Variants in CHST15 observed in about 807,000 individuals in gnomAD.
CHST15 encodes carbohydrate sulfotransferase 15.
In CHST15, 30 loss-of-function variants were observed where a neutral mutation model predicts 53.6. The ratio of observed to expected loss-of-function variants is 0.56; its 90% confidence interval spans 0.42 to 0.76. CHST15 has a LOEUF of 0.76. Among genes scored for constraint, CHST15 ranks in the 30% least tolerant of loss-of-function variants. The pLI is 0.00. For synonymous variants in CHST15, 296 were observed against 289.8 expected, an observed-to-expected ratio of 1.02 and a Z score of -0.22; for missense variants, 627 against 740.5, an observed-to-expected ratio of 0.85 and a Z score of 1.78.
At chr10:124,056,245 A>T (rs540195202) in intron 1 of CHST15, among the ~76,000 whole-genome samples, 53 of 152,230 alleles carry the variant, frequency 3.5e-4, no homozygotes, top group African/African-American at 1.2e-3. Flanking sequence ...CTTTTGAGGA[A>T]TCCCTTCCGA....
chr10:124,026,977 G>A (rs930089728), intron 5 of CHST15, among the ~76,000 whole-genome samples: 3 of 152,118 alleles, frequency 2.0e-5, no homozygotes, highest in Admixed American at 2.0e-4. Flanking sequence ...TGGGGGCCAG[G>A]GGACATCATA....
chr10:124,069,400 A>G (rs1948844497), intron 1 of CHST15, among the ~76,000 whole-genome samples: 1 of 152,122 alleles, frequency 6.6e-6, no homozygotes, highest in Admixed American at 6.5e-5. Flanking sequence ...TATGGCACAG[A>G]TGGAAATGGG....
At chr10:124,092,119 T>G (rs940597238) in intron 1 of CHST15, among the ~76,000 whole-genome samples, 8 of 152,122 alleles carry the variant, frequency 5.3e-5, no homozygotes, top group African/African-American at 1.9e-4. Context: ...CCCCGGCGCC[T>G]CTATCCTGCC....
intron 5 of CHST15, among the ~76,000 whole-genome samples, chr10:124,033,809 C>T (rs1476863388): frequency 6.6e-6 from 1 of 152,160 alleles, no homozygotes; most frequent in African/African-American, 2.4e-5. Context: ...AGCATATTGA[C>T]GACCCCCAGC....
At chr10:124,037,966 G>A (rs570311907) in intron 5 of CHST15, among the ~76,000 whole-genome samples, 1 of 152,338 alleles carries the variant, frequency 6.6e-6, no homozygotes, top group South Asian at 2.1e-4. Flanking sequence ...TGGGGCTGAA[G>A]TCACACAGAC....
rs28564604 is a variant in CHST15 at position 124,062,264 on chromosome 10, A to C, written c.-512-15540T>G. 1.8e-3 allele frequency among the ~76,000 whole-genome samples: 268 copies of C among 152,230 alleles called. 1 individual carries two copies. Among genetic ancestry groups the C allele is most frequent in the African/African-American group, 6.1e-3 (254 of 41,514 alleles). ...TATGAATGTTCACCAATGCCCAAAGAGCGTTTGACAGAGGCAGCCTAGGAT... is the reference window on the plus strand; with the variant it reads ...TATGAATGTTCACCAATGCCCAAAGCGCGTTTGACAGAGGCAGCCTAGGAT... On this transcript the variant is annotated intron_variant, in intron 1 of 7. Coordinates refer to ENST00000435907, the MANE Select transcript of CHST15 (RefSeq NM_001270764.2).
intron 5 of CHST15, among the ~76,000 whole-genome samples, chr10:124,034,525 A>ACCCCTAACAGGGACCCTGGCTTCAT (rs1172490256): frequency 6.7e-6 from 1 of 148,708 alleles, no homozygotes; most frequent in Non-Finnish European, 1.5e-5. Flanking sequence ...CCCTGGCTCC[A>ACCCCTAACAGGGACCCTGGCTTCAT]CCCCTAACAG....
In CHST15 at chr10:124,024,890, T is replaced by C. The variant is rs1946936759; in HGVS notation, c.1191-3478A>G. Among the ~76,000 whole-genome samples, 1 of 152,190 alleles carries C rather than the reference T, an allele frequency of 6.6e-6. No individual in the cohort carries two copies. The highest frequency in any genetic ancestry group is 1.5e-5 in the Non-Finnish European group (1 of 68,026). ...AATAATATGGCTCAGCCCAAGAAAC[T>C]ACGTCAATGAAAAGTAACAGATGCT... On this transcript the variant is annotated intron_variant, in intron 5 of 7. Transcript: ENST00000435907. This position sits in a 1 kb window ranked among gnomAD's most constrained non-coding sequence, Gnocchi z 4.0.
At position 124,045,112 on chromosome 10, in the gene CHST15, C is replaced by CAAAAAAAAAAAAAAAAAAAAAAAAA. The variant is rs758243657; in HGVS notation, c.547-218_547-194dup. Among the ~76,000 whole-genome samples the CAAAAAAAAAAAAAAAAAAAAAAAAA allele has an allele frequency of 1.3e-3, 43 of 33,752 alleles. 1 individual carries two copies. Among genetic ancestry groups the CAAAAAAAAAAAAAAAAAAAAAAAAA allele is most frequent in the East Asian group, 2.5e-3 (2 of 808 alleles). The allele number at this position is 33,752 out of a possible 152,430, so 22.1% of individuals were successfully genotyped here. On this transcript the variant is annotated intron_variant, in intron 2 of 7. Coordinates refer to ENST00000435907, the MANE Select transcript of CHST15 (RefSeq NM_001270764.2). ...TGCTTTCCTCTCCCCCGCCGCCCCA[C>CAAAAAAAAAAAAAAAAAAAAAAAAA]AAAAAAAAAAAAAAAAAAAAAAAAA...
chr10:124,039,839 T>A (rs75514905), intron 4 of CHST15, among the ~76,000 whole-genome samples: 2 of 152,162 alleles, frequency 1.3e-5, no homozygotes, highest in African/African-American at 4.8e-5. Flanking sequence ...CTTGATTTCC[T>A]GACAGTTTGC....
chr10:124,056,008 C>T (rs1022973424), intron 1 of CHST15, among the ~76,000 whole-genome samples: 2 of 152,202 alleles, frequency 1.3e-5, no homozygotes, highest in African/African-American at 4.8e-5. Context: ...TACCTGCATC[C>T]AGCCTGCCTT....
chr10:124,043,200 G>A (rs2133987931), intron 3 of CHST15, among the ~76,000 whole-genome samples: 1 of 152,352 alleles, frequency 6.6e-6, no homozygotes, highest in South Asian at 2.1e-4. Context: ...AGGTGACATT[G>A]AAGACTAGAT....
chr10:124,070,944 T>G (rs910610434), intron 1 of CHST15, among the ~76,000 whole-genome samples: 1 of 152,198 alleles, frequency 6.6e-6, no homozygotes, highest in Admixed American at 6.5e-5. Context: ...ATGGGGTCTC[T>G]TCCAGAAACA....
chr10:124,038,357 C>T (rs1463969847), intron 5 of CHST15, among the ~76,000 whole-genome samples, 158 bp downstream of exon 5: 4 of 152,240 alleles, frequency 2.6e-5, no homozygotes, highest in South Asian at 2.1e-4. Flanking sequence ...CCACCCACCC[C>T]GGCCTCCCAA....
chr10:124,088,253 C>T (rs1949496667), intron 1 of CHST15, among the ~76,000 whole-genome samples: 1 of 152,230 alleles, frequency 6.6e-6, no homozygotes, highest in African/African-American at 2.4e-5. Flanking sequence ...TCCTGCTGCA[C>T]TTTGCCAAGC....
At position 124,046,116 on chromosome 10, in the gene CHST15, C is replaced by G. The variant is rs1256939044; in HGVS notation, c.97G>C (p.Ala33Pro). The G allele has an allele frequency of 1.2e-6, 2 of 1,614,232 alleles. No homozygotes were observed. Among genetic ancestry groups the G allele is most frequent in the South Asian group, 2.2e-5 (2 of 91,086 alleles). Residue 33 changes from alanine to proline, a missense_variant, in exon 2 of 8, where the codon GCG becomes CCG. By Grantham distance (27) the Ala-to-Pro change is conservative. Coordinates refer to ENST00000435907, the MANE Select transcript of CHST15 (RefSeq NM_001270764.2). ...TTTTCTCCTTTGCACGTGGGGCACG[C>G]CTGGTGACCGTGATGGGGGCCCCCT... Reference protein sequence around the residue: ...CQGGPHHGHQACPTCKGENKI... With the variant: ...CQGGPHHGHQPCPTCKGENKI...
intron 4 of CHST15, among the ~76,000 whole-genome samples, chr10:124,041,582 T>C (rs1947743511): frequency 6.6e-6 from 1 of 152,128 alleles, no homozygotes; most frequent in African/African-American, 2.4e-5. Flanking sequence ...GAAAAAAACA[T>C]GGCTATGTTA....
chr10:124,032,967 C>G (rs1361344220), intron 5 of CHST15, among the ~76,000 whole-genome samples: 1 of 152,216 alleles, frequency 6.6e-6, no homozygotes, highest in South Asian at 2.1e-4. Context: ...TGGTATTTCC[C>G]CTCTCCAAGC....
intron 1 of CHST15, among the ~76,000 whole-genome samples, chr10:124,060,462 G>T (rs1385465164): frequency 1.4e-5 from 2 of 147,460 alleles, no homozygotes; most frequent in South Asian, 2.2e-4. Context: ...CCCACCAGGG[G>T]TGTGTGGAGG....
Sources: gnomAD v4.1 joint callset for allele counts (sites outside exome capture counted in the v4.1 genomes callset) on GRCh38, gnomAD v4.1.1 for gene constraint, Gnocchi (gnomAD v3.1) non-coding constraint, MANE v1.5 for transcripts, NCBI Gene and HGNC (gene_info 2026-07-23, HGNC 2026-07-21) for gene names.